The following ROBO1 variants were observed in gnomAD, a reference collection of about 807,000 sequenced individuals.
ROBO1 encodes the protein roundabout guidance receptor 1.
Under a neutral mutation model 195.9 loss-of-function variants are expected in ROBO1, and 149 were observed. The observed-to-expected ratio is 0.76, with a 90% confidence interval of 0.67 to 0.87. ROBO1 has a LOEUF of 0.87. ROBO1 is among the 40% of genes least tolerant of loss of function. The pLI is 0.00. For synonymous variants in ROBO1, 816 were observed against 733.2 expected, an observed-to-expected ratio of 1.11 and a Z score of -1.82; for missense variants, 1,933 against 2,068.3, an observed-to-expected ratio of 0.93 and a Z score of 1.27.
intron 2 of ROBO1, among the ~76,000 whole-genome samples, chr3:79,144,862 T>G (rs1381416166): frequency 6.6e-6 from 1 of 151,918 alleles, no homozygotes; most frequent in Admixed American, 6.6e-5. Flanking sequence ...TAGCAATGTA[T>G]CTTGTTAGAG....
At chr3:78,969,703 A>T (rs540158187) in intron 3 of ROBO1, among the ~76,000 whole-genome samples, 1 of 152,280 alleles carries the variant, frequency 6.6e-6, no homozygotes, top group East Asian at 1.9e-4. Context: ...GGAGATTTTA[A>T]TCCCTCACAT....
chr3:78,783,542 C>T (rs941771633), intron 4 of ROBO1, among the ~76,000 whole-genome samples: 25 of 152,138 alleles, frequency 1.6e-4, no homozygotes, highest in South Asian at 1.0e-3. Flanking sequence ...GATTCTAAAA[C>T]GCTATTTTAA....
intron 25 of ROBO1, among the ~76,000 whole-genome samples, chr3:78,630,048 G>A (rs1188566539): frequency 1.3e-5 from 2 of 152,160 alleles, no homozygotes; most frequent in Non-Finnish European, 2.9e-5. Context: ...GCCCTAGAAG[G>A]CTGTAATGTG....
intron 3 of ROBO1, among the ~76,000 whole-genome samples, chr3:79,013,405 G>C (rs932523045): frequency 5.9e-5 from 9 of 152,134 alleles, no homozygotes; most frequent in African/African-American, 2.2e-4. Flanking sequence ...ATGTGAACTG[G>C]TTAGATGATG....
intron 2 of ROBO1, among the ~76,000 whole-genome samples, chr3:79,244,445 A>G (rs1457785366): frequency 6.6e-6 from 1 of 152,158 alleles, no homozygotes; most frequent in Non-Finnish European, 1.5e-5. Flanking sequence ...TACCCCCAGG[A>G]TGGTTTTTAA....
chr3:79,280,061 G>C (rs1205314518), intron 2 of ROBO1, among the ~76,000 whole-genome samples: 3 of 152,150 alleles, frequency 2.0e-5, no homozygotes, highest in Non-Finnish European at 2.9e-5. Context: ...TCTCATAGAA[G>C]TATTGTAGAA....
rs1239794682 is a variant in ROBO1 at position 79,501,925 on chromosome 3, TAAC to T, written c.88+87896_88+87898del. ...AGGAAATGTGTAGAATTGTTTTTGT[TAAC>T]AACACTATACTGAGATTAACAGCTA... On this transcript the variant is annotated intron_variant, in intron 2 of 30. Coordinates refer to ENST00000464233, the MANE Select transcript of ROBO1 (RefSeq NM_002941.4). Among the ~76,000 whole-genome samples the T allele has an allele frequency of 3.3e-5, 5 of 152,336 alleles. No individual in the cohort carries two copies. The East Asian group carries it at 9.6e-4, about 29-fold the overall frequency.
At chr3:78,635,608 C>T (rs1282837080) in intron 23 of ROBO1, among the ~76,000 whole-genome samples, 165 bp downstream of exon 23, 1 of 152,078 alleles carries the variant, frequency 6.6e-6, no homozygotes, top group Admixed American at 6.5e-5. Context: ...TATTGTTGTG[C>T]TAATTAACTC....
At chr3:78,957,849 A>G (rs2041128064) in intron 3 of ROBO1, among the ~76,000 whole-genome samples, 1 of 152,166 alleles carries the variant, frequency 6.6e-6, no homozygotes, top group Non-Finnish European at 1.5e-5. Context: ...ATTATTTTTC[A>G]CTTCACATTT....
intron 3 of ROBO1, among the ~76,000 whole-genome samples, chr3:79,057,859 A>G (rs2078841710): frequency 6.6e-6 from 1 of 152,048 alleles, no homozygotes; most frequent in African/African-American, 2.4e-5. Context: ...TCCTGGAGCT[A>G]CAGATGACTG....
intron 2 of ROBO1, among the ~76,000 whole-genome samples, chr3:79,199,316 A>C (rs1559730040): frequency 6.6e-6 from 1 of 151,802 alleles, no homozygotes; most frequent in Non-Finnish European, 1.5e-5. Context: ...ATTTGTAATG[A>C]CTAGAAGACT....
chr3:78,786,392 T>C (rs974145585), intron 4 of ROBO1, among the ~76,000 whole-genome samples: 2 of 152,218 alleles, frequency 1.3e-5, no homozygotes, highest in African/African-American at 4.8e-5. Flanking sequence ...AATCATTAAT[T>C]GAGTGCTTAG....
chr3:78,924,594 A>AGT (rs1156534201), intron 4 of ROBO1, among the ~76,000 whole-genome samples: 2 of 150,270 alleles, frequency 1.3e-5, no homozygotes, highest in African/African-American at 2.4e-5. Flanking sequence ...ATATTTCTTC[A>AGT]GTGTGTGTGT....
intron 2 of ROBO1, among the ~76,000 whole-genome samples, chr3:79,432,357 A>G (rs1056485304): frequency 6.6e-6 from 1 of 152,120 alleles, no homozygotes; most frequent in African/African-American, 2.4e-5. Context: ...TCCATGTGAA[A>G]TGGGTTGAGA....
intron 8 of ROBO1, among the ~76,000 whole-genome samples, chr3:78,707,443 A>G (rs189324626): frequency 2.0e-5 from 3 of 152,338 alleles, no homozygotes; most frequent in East Asian, 1.9e-4. Flanking sequence ...AAAAATAACA[A>G]TTCTACAGAA....
intron 2 of ROBO1, among the ~76,000 whole-genome samples, chr3:79,468,055 T>C (rs1022846353): frequency 6.6e-6 from 1 of 152,142 alleles, no homozygotes; most frequent in Non-Finnish European, 1.5e-5. Flanking sequence ...GGGAGCAAAG[T>C]CTGGACTAGT....
intron 2 of ROBO1, among the ~76,000 whole-genome samples, chr3:79,547,994 C>G (rs965633844): frequency 5.9e-5 from 9 of 152,068 alleles, no homozygotes; most frequent in Non-Finnish European, 1.0e-4. Flanking sequence ...GGCAGTTTTA[C>G]TGATGTTGAG....
At chr3:79,725,126 C>G (rs1285172880) in intron 1 of ROBO1, among the ~76,000 whole-genome samples, 1 of 152,038 alleles carries the variant, frequency 6.6e-6, no homozygotes, top group African/African-American at 2.4e-5. Flanking sequence ...CCAGACTTTG[C>G]CAATGATACC....
At chr3:79,463,156 G>C (rs866583122) in intron 2 of ROBO1, among the ~76,000 whole-genome samples, 1 of 152,004 alleles carries the variant, frequency 6.6e-6, no homozygotes, top group Non-Finnish European at 1.5e-5. Context: ...GGCGGATTGC[G>C]AGGTCAGGAG....
Sources: allele counts gnomAD v4.1 joint callset (sites outside exome capture counted in the v4.1 genomes callset), GRCh38; gene constraint gnomAD v4.1.1; transcripts MANE v1.5; gene names NCBI Gene and HGNC (gene_info 2026-07-23, HGNC 2026-07-21).